Variants in IL15 observed in about 807,000 individuals in gnomAD.
IL15 encodes the protein interleukin 15.
A neutral mutation model predicts 19.6 loss-of-function variants in IL15; 11 were observed. The ratio of observed to expected loss-of-function variants is 0.56; its 90% CI spans 0.35 to 0.93. The LOEUF is 0.93. IL15 is among the 40% of genes least tolerant of loss of function. IL15 has a pLI of 0.01. For missense variants in IL15, 197 were observed against 186.5 expected (o/e 1.06, Z -0.33); for synonymous variants, 58 against 59.6 (o/e 0.97, Z 0.12).
chr4:141,655,166 T>C (rs922814478), intron 1 of IL15, among the ~76,000 whole-genome samples: 6 of 152,164 alleles, frequency 3.9e-5, no homozygotes, highest in South Asian at 4.1e-4. Flanking sequence ...GTGGTTGTTA[T>C]TGATGGAAGC....
chr4:141,709,535 A>T (rs1297578694), intron 2 of IL15, among the ~76,000 whole-genome samples: 1 of 152,164 alleles, frequency 6.6e-6, no homozygotes, highest in Non-Finnish European at 1.5e-5. Flanking sequence ...TTTTTATACA[A>T]CAAAAATTGG....
intron 1 of IL15, among the ~76,000 whole-genome samples, chr4:141,653,925 T>C (rs1047301929): frequency 2.6e-5 from 4 of 152,228 alleles, no homozygotes; most frequent in Admixed American, 2.0e-4. Flanking sequence ...TGGGTATTTG[T>C]TGATGTTTAT....
intron 2 of IL15, among the ~76,000 whole-genome samples, chr4:141,708,149 G>C (rs1407965634): frequency 6.6e-6 from 1 of 152,210 alleles, no homozygotes; most frequent in African/African-American, 2.4e-5. Context: ...TGAAGCACAG[G>C]TATGTGTTGG....
At chr4:141,660,122 T>A (rs1036555207) in intron 2 of IL15, among the ~76,000 whole-genome samples, 1 of 152,204 alleles carries the variant, frequency 6.6e-6, no homozygotes, top group East Asian at 1.9e-4. Context: ...CCCTTGAAGG[T>A]AGCTTTTATT....
chr4:141,656,464 G>A (rs1226929654), intron 2 of IL15, among the ~76,000 whole-genome samples, 157 bp downstream of exon 2: 1 of 152,132 alleles, frequency 6.6e-6, no homozygotes, highest in East Asian at 1.9e-4. Context: ...CTTTGTTATT[G>A]CATGCTTAAA....
chr4:141,692,049 A>G (rs1728929526), intron 2 of IL15, among the ~76,000 whole-genome samples: 1 of 152,238 alleles, frequency 6.6e-6, no homozygotes, highest in Non-Finnish European at 1.5e-5. Context: ...AGATGCTCCC[A>G]AAGCTCAATT....
In IL15 at chr4:141,730,848, C is replaced by T. The variant is rs1730428177; in HGVS notation, c.378+864C>T. Reference sequence around the variant, plus strand: ...GTTCATTTCATAAATACTTTTTAGCCCTCAGGAGACAGTATGAAAAAATAC... The same window carrying T: ...GTTCATTTCATAAATACTTTTTAGCTCTCAGGAGACAGTATGAAAAAATAC... On this transcript the variant is annotated intron_variant, in intron 7 of 7. Coordinates refer to ENST00000320650, the MANE Select transcript of IL15 (RefSeq NM_000585.5). Among the ~76,000 whole-genome samples the T allele has an allele frequency of 2.6e-5, 4 of 152,156 alleles. No individual in the cohort carries two copies. The South Asian group carries it at 8.3e-4, about 32-fold the overall frequency.
In IL15 at chr4:141,733,882, T is replaced by C. The variant is rs185331793; in HGVS notation, c.*1034T>C. 2.6e-5 allele frequency: 4 copies of C among 152,336 alleles called. No individual in the cohort carries two copies. The highest frequency in any genetic ancestry group is 1.9e-4 in the East Asian group (1 of 5,188). 9.4% of individuals were successfully genotyped at this position (152,336 alleles called of 1,614,324 possible). A position where few individuals can be genotyped will look rare whatever the true frequency, so the allele number is the denominator to read the frequency against. ...ATTGTTATCTGACAGAAAATAATTG[T>C]TTATATTTTTTGCACTACACTGTCT... On this transcript the variant is annotated 3_prime_UTR_variant, in exon 8 of 8. Coordinates refer to ENST00000320650, the MANE Select transcript of IL15 (RefSeq NM_000585.5).
intron 2 of IL15, among the ~76,000 whole-genome samples, chr4:141,666,559 T>C (rs546437275): frequency 3.1e-4 from 47 of 152,180 alleles, no homozygotes; most frequent in African/African-American, 1.1e-3. Flanking sequence ...AGTTTCACCA[T>C]GTTACCTATG....
intron 1 of IL15, among the ~76,000 whole-genome samples, chr4:141,637,837 T>TC (rs756600956): frequency 3.9e-5 from 6 of 152,232 alleles, no homozygotes; most frequent in Admixed American, 1.3e-4. Flanking sequence ...GTCATCCTTA[T>TC]CTTGTCAGTG....
chr4:141,657,440 AT>A (rs1027207021), intron 2 of IL15, among the ~76,000 whole-genome samples: 50 of 151,734 alleles, frequency 3.3e-4, no homozygotes, highest in Admixed American at 1.9e-3. Context: ...GATTATTATA[AT>A]TTTTTAAAGT....
At position 141,732,789 on chromosome 4, in the gene IL15, A is replaced by T. The variant is rs373017717; in HGVS notation, c.430A>T (p.Ile144Phe). 3 of 1,613,056 alleles carry T rather than the reference A, an allele frequency of 1.9e-6. No homozygotes were observed. The highest frequency in any genetic ancestry group is 2.7e-5 in the African/African-American group (2 of 75,014). ...ATGTGAGGAACTGGAGGAAAAAAAT[A>T]TTAAAGAATTTTTGCAGAGTTTTGT... ...KECEELEEKN[I>F]KEFLQSFVHI... Residue 144 changes from isoleucine (I) to phenylalanine (F), a missense_variant, in exon 8 of 8, where the codon ATT becomes TTT. Transcript: ENST00000320650.
chr4:141,666,007 A>T (rs1727958737), intron 2 of IL15, among the ~76,000 whole-genome samples: 1 of 152,044 alleles, frequency 6.6e-6, no homozygotes, highest in Admixed American at 6.5e-5. Context: ...CTTTTGTCAT[A>T]ATGTTGGGGC....
chr4:141,694,954 A>C (rs1729043263), intron 2 of IL15, among the ~76,000 whole-genome samples: 1 of 152,100 alleles, frequency 6.6e-6, no homozygotes, highest in Admixed American at 6.5e-5. Context: ...ACACCATCAG[A>C]ATATACCCCT....
In IL15 at chr4:141,729,987, G is replaced by A. The variant is rs771489817; in HGVS notation, c.378+3G>A. ...ACAACAGTTTGTCTTCTAATGGGGT[G>A]AGTTTTCCAACAGTTGCTTAGAGTT... On this transcript the variant is annotated splice_donor_region_variant and intron_variant, in intron 7 of 7. Transcript: ENST00000320650. The A allele has an allele frequency of 6.2e-7, 1 of 1,608,376 alleles. No homozygotes were observed. The highest frequency in any genetic ancestry group is 1.1e-5 in the South Asian group (1 of 90,790).
intron 2 of IL15, among the ~76,000 whole-genome samples, chr4:141,689,968 A>G (rs1446149865): frequency 2.0e-5 from 3 of 152,206 alleles, no homozygotes; most frequent in African/African-American, 7.2e-5. Flanking sequence ...TGGGAGGCTC[A>G]GGCATGGCAG....
At chr4:141,721,760 C>A in intron 4 of IL15, 164 bp from the exon 5 acceptor site, 1 of 652,078 alleles carries the variant, frequency 1.5e-6, no homozygotes, top group Non-Finnish European at 2.6e-6. Flanking sequence ...ACTATATGCT[C>A]AATGTTTATG....
At chr4:141,717,473 T>A (rs147653078) in intron 2 of IL15, 2 of 152,258 alleles carry the variant, frequency 1.3e-5, no homozygotes, top group African/African-American at 4.8e-5. Context: ...CTGTCTCATG[T>A]GCTTGCTTTC....
intron 1 of IL15, among the ~76,000 whole-genome samples, chr4:141,640,279 A>G (rs1416440181): frequency 1.3e-5 from 2 of 152,058 alleles, no homozygotes; most frequent in Admixed American, 6.5e-5. Context: ...AATTTGAATA[A>G]CCATTGCATT....
Sources: allele counts gnomAD v4.1 joint callset (sites outside exome capture counted in the v4.1 genomes callset), GRCh38; gene constraint gnomAD v4.1.1; transcripts MANE v1.5; gene names NCBI Gene and HGNC (gene_info 2026-07-23, HGNC 2026-07-21).